PHF20: variants seen among roughly 807,000 people sequenced by gnomAD.
PHF20 encodes glioma-expressed antigen 2.
In PHF20, 23 loss-of-function variants were observed where a neutral mutation model predicts 113.5. The ratio of observed to expected loss-of-function variants is 0.20; its 90% CI spans 0.15 to 0.29. The LOEUF is 0.29. Among genes scored for constraint, PHF20 ranks in the 10% least tolerant of loss-of-function variants. PHF20 has a pLI of 1.00. For synonymous variants in PHF20, 434 were observed against 457.3 expected, an observed-to-expected ratio of 0.95 and a Z score of 0.65; for missense variants, 943 against 1,219.6, an observed-to-expected ratio of 0.77 and a Z score of 3.38.
intron 2 of PHF20, among the ~76,000 whole-genome samples, chr20:35,805,861 GTTCTTTT>G (rs1278812523): frequency 6.7e-6 from 1 of 150,286 alleles, no homozygotes; most frequent in East Asian, 2.0e-4. Flanking sequence ...ATTTTTTTCA[GTTCTTTT>G]TTTTTTCGTT....
intron 2 of PHF20, among the ~76,000 whole-genome samples, chr20:35,827,611 T>C (rs2042283530): frequency 2.6e-5 from 4 of 151,976 alleles, no homozygotes; most frequent in Admixed American, 1.3e-4. Flanking sequence ...GGTGAAACCC[T>C]GTCACTATTA....
chr20:35,849,417 G>C, intron 4 of PHF20: 1 of 470,884 alleles, frequency 2.1e-6, no homozygotes, highest in Non-Finnish European at 4.4e-6. Context: ...CTTCAAAGTA[G>C]AATGAAGTAG....
chr20:35,787,158 A>T (rs6060604), intron 1 of PHF20, among the ~76,000 whole-genome samples: 168 of 143,940 alleles, frequency 1.2e-3, no homozygotes, highest in African/African-American at 4.3e-3. Context: ...TGCCTGGCTA[A>T]TTATTTATTT....
intron 5 of PHF20, among the ~76,000 whole-genome samples, chr20:35,859,734 A>G (rs1395111409): frequency 6.6e-6 from 1 of 152,032 alleles, no homozygotes; most frequent in Non-Finnish European, 1.5e-5. Flanking sequence ...TGGTAGAGAC[A>G]GGGTTTCACC....
At chr20:35,927,968 T>G in intron 14 of PHF20, 89 bp downstream of exon 14, 1 of 910,066 alleles carries the variant, frequency 1.1e-6, no homozygotes, top group Admixed American at 1.7e-5. Flanking sequence ...TCTGCGGTCT[T>G]GAGACTCATT....
intron 1 of PHF20, among the ~76,000 whole-genome samples, chr20:35,781,075 A>G (rs2041285847): frequency 6.7e-6 from 1 of 149,362 alleles, no homozygotes; most frequent in South Asian, 2.1e-4. Flanking sequence ...CTGGTCTCGA[A>G]CCCCTGACCT....
intron 4 of PHF20, among the ~76,000 whole-genome samples, chr20:35,847,745 G>A (rs1403617066): frequency 6.6e-6 from 1 of 152,142 alleles, no homozygotes; most frequent in Non-Finnish European, 1.5e-5. Context: ...TATAATTGAT[G>A]ACATAGTCCT....
chr20:35,832,823 G>A (rs1019975202), intron 2 of PHF20, among the ~76,000 whole-genome samples: 1 of 152,154 alleles, frequency 6.6e-6, no homozygotes, highest in African/African-American at 2.4e-5. Context: ...GCCAAGGCAG[G>A]TGGATCACGA....
rs372707050 is a variant in PHF20 at position 35,817,316 on chromosome 20, A to G, written c.83+15711A>G. 5.6e-4 allele frequency among the ~76,000 whole-genome samples: 85 copies of G among 152,060 alleles called. 1 individual carries two copies. The East Asian group carries it at 0.016, about 28-fold the overall frequency. On this transcript the variant is annotated intron_variant, in intron 2 of 17. Coordinates refer to ENST00000374012, the MANE Select transcript of PHF20 (RefSeq NM_016436.5). The stretch of plus-strand genomic sequence containing the variant: ...ATTCTCTTGCCTCAGCCTCCCAAAT[A>G]GGAGGGATTACGGGCCCCTGCCACG...
chr20:35,816,841 G>A lies in PHF20; in HGVS notation c.83+15236G>A, dbSNP rs184101350. Among the ~76,000 whole-genome samples, 15 of 149,220 alleles carry A rather than the reference G, an allele frequency of 1.0e-4. No individual in the cohort carries two copies. The East Asian group carries it at 3.0e-3, about 29-fold the overall frequency. On this transcript the variant is annotated intron_variant, in intron 2 of 17. Coordinates refer to ENST00000374012, the MANE Select transcript of PHF20 (RefSeq NM_016436.5). ...GAGTCTTGCTCTGTTGCCCAGGCTCGAGTGCAGTGGTGCAATTTCGGCTTA... is the reference window on the plus strand; with the variant it reads ...GAGTCTTGCTCTGTTGCCCAGGCTCAAGTGCAGTGGTGCAATTTCGGCTTA...
chr20:35,829,289 TA>T (rs1287625632), intron 2 of PHF20, among the ~76,000 whole-genome samples: 1 of 152,212 alleles, frequency 6.6e-6, no homozygotes, highest in African/African-American at 2.4e-5. Context: ...TCTGTAGCGT[TA>T]AATACATTCA....
intron 2 of PHF20, among the ~76,000 whole-genome samples, chr20:35,809,992 C>T (rs1162542688): frequency 2.0e-5 from 3 of 152,034 alleles, no homozygotes; most frequent in Admixed American, 6.6e-5. Flanking sequence ...TGCAGTGGCG[C>T]GATCTCAGCT....
intron 9 of PHF20, among the ~76,000 whole-genome samples, chr20:35,886,165 G>A (rs113702041): frequency 0.012 from 1,673 of 145,240 alleles, 24 homozygotes; most frequent in African/African-American, 0.04. Context: ...TTGAGACAGA[G>A]TCTCACTCTG....
intron 2 of PHF20, among the ~76,000 whole-genome samples, chr20:35,840,289 A>T (rs2042516587): frequency 6.6e-6 from 1 of 152,160 alleles, no homozygotes; most frequent in Admixed American, 6.5e-5. Flanking sequence ...CAATACCTTT[A>T]TATAGTTGAA....
intron 1 of PHF20, among the ~76,000 whole-genome samples, chr20:35,793,840 A>G (rs1337312988): frequency 1.3e-5 from 2 of 149,696 alleles, no homozygotes; most frequent in Non-Finnish European, 3.0e-5. Context: ...TCTACTAAAA[A>G]TACAAAAATT....
intron 9 of PHF20, chr20:35,878,645 A>G: frequency 1.3e-6 from 1 of 787,142 alleles, no homozygotes; most frequent in Non-Finnish European, 2.3e-6. Context: ...TCTGATCCAC[A>G]TGGGTGTGGC....
intron 2 of PHF20, among the ~76,000 whole-genome samples, chr20:35,809,717 CAAAAAAA>C (rs759390130): frequency 7.9e-6 from 1 of 126,630 alleles, no homozygotes; most frequent in African/African-American, 2.9e-5. Flanking sequence ...GACCCTGTCT[CAAAAAAA>C]AAAAAAAAAT....
chr20:35,891,679 G>C (rs2054865306), intron 9 of PHF20, among the ~76,000 whole-genome samples: 1 of 152,230 alleles, frequency 6.6e-6, no homozygotes, highest in East Asian at 1.9e-4. Flanking sequence ...CATACAGAGG[G>C]CTCCTTTTGG....
At position 35,911,715 on chromosome 20, in the gene PHF20, A is replaced by G. The variant is rs142919342; in HGVS notation, c.1562-1534A>G. ...ACTCTGTCACCCAGGCTGGAGTGCA[A>G]TGGTGCGATCTGGGCTCACTGCAAC... On this transcript the variant is annotated intron_variant, in intron 10 of 17. Coordinates refer to ENST00000374012, the MANE Select transcript of PHF20 (RefSeq NM_016436.5). 6.1e-3 allele frequency among the ~76,000 whole-genome samples: 928 copies of G among 152,102 alleles called. 13 individuals carry two copies. Among genetic ancestry groups the G allele is most frequent in the African/African-American group, 0.021 (877 of 41,492 alleles).
Sources: gnomAD v4.1 joint callset for allele counts (sites outside exome capture counted in the v4.1 genomes callset) on GRCh38, gnomAD v4.1.1 for gene constraint, MANE v1.5 for transcripts, NCBI Gene and HGNC (gene_info 2026-07-23, HGNC 2026-07-21) for gene names.